Variants in BLOC1S6 observed in about 807,000 individuals in gnomAD.
BLOC1S6 encodes biogenesis of lysosome-related organelles complex 1 subunit 6.
A neutral mutation model predicts 24.7 loss-of-function variants in BLOC1S6; 24 were observed. The observed-to-expected ratio is 0.97, with a 90% CI of 0.70 to 1.37. The LOEUF is 1.37. Among genes scored for constraint, BLOC1S6 ranks in the 40% most tolerant of loss-of-function variants. BLOC1S6 has a pLI of 0.00. For synonymous variants in BLOC1S6, 76 were observed against 72.6 expected (o/e 1.05, Z -0.23); for missense variants, 175 against 196.2 (o/e 0.89, Z 0.64).
intron 1 of BLOC1S6, 94 bp from the exon 2 acceptor site, chr15:45,592,041 C>T: frequency 7.0e-7 from 1 of 1,432,752 alleles, no homozygotes; most frequent in Non-Finnish European, 9.5e-7. Flanking sequence ...TTACAGATTT[C>T]TTTGTTCCTT....
At chr15:45,593,514 C>T (rs768500344) in intron 2 of BLOC1S6, among the ~76,000 whole-genome samples, 19 of 151,682 alleles carry the variant, frequency 1.3e-4, no homozygotes, top group South Asian at 4.1e-4. Context: ...TTATCCCTAG[C>T]GCGCGATATA....
intron 2 of BLOC1S6, among the ~76,000 whole-genome samples, chr15:45,596,017 A>G (rs1308854885): frequency 6.6e-5 from 10 of 152,064 alleles, no homozygotes; most frequent in Non-Finnish European, 1.5e-4. Context: ...CATGTTGGTC[A>G]GGCTGGTCTC....
At chr15:45,589,862 A>G (rs1393923306) in intron 1 of BLOC1S6, among the ~76,000 whole-genome samples, 2 of 152,176 alleles carry the variant, frequency 1.3e-5, no homozygotes, top group African/African-American at 2.4e-5. Flanking sequence ...CAAACAAACA[A>G]AAAATGAGTA....
At chr15:45,602,108 C>G (rs1053886770) in intron 2 of BLOC1S6, among the ~76,000 whole-genome samples, 1 of 151,928 alleles carries the variant, frequency 6.6e-6, no homozygotes, top group African/African-American at 2.4e-5. Flanking sequence ...GTTGTCCACG[C>G]TGGTCTTGAA....
At chr15:45,603,646 C>T (rs1034777254) in intron 3 of BLOC1S6, among the ~76,000 whole-genome samples, 6 of 152,118 alleles carry the variant, frequency 3.9e-5, no homozygotes, top group African/African-American at 1.2e-4. Flanking sequence ...CCCAGGAGGT[C>T]GAGGCCACAA....
chr15:45,598,247 G>A (rs1009563595), intron 2 of BLOC1S6: 1 of 148,694 alleles, frequency 6.7e-6, no homozygotes, highest in Non-Finnish European at 1.5e-5. Context: ...GCAAAAACTG[G>A]AAGCATTCCC....
Position 45,603,193 on chromosome 15 carries a change from T to C in BLOC1S6, c.312+6T>C, listed in dbSNP as rs749795439. Reference sequence around the variant, plus strand: ...TGTTGGATATTAATGCTTTGGTAAGTATGATTTAGTTGATGTAATTTAATG... The same window carrying C: ...TGTTGGATATTAATGCTTTGGTAAGCATGATTTAGTTGATGTAATTTAATG... On this transcript the variant is annotated splice_donor_region_variant and intron_variant, in intron 3 of 4. Transcript: ENST00000220531. 6.5e-7 allele frequency: 1 copy of C among 1,542,870 alleles called. No individual in the cohort carries two copies. The highest frequency in any genetic ancestry group is 9.0e-7 in the Non-Finnish European group (1 of 1,117,192).
At chr15:45,602,277 G>A (rs1039678254) in intron 2 of BLOC1S6, 20 of 616,830 alleles carry the variant, frequency 3.2e-5, no homozygotes, top group Middle Eastern at 3.0e-4. Flanking sequence ...GAGCCTGTTC[G>A]TTGTTATTTC....
chr15:45,603,861 A>G (rs992726560), intron 3 of BLOC1S6, among the ~76,000 whole-genome samples: 1 of 152,168 alleles, frequency 6.6e-6, no homozygotes, highest in Non-Finnish European at 1.5e-5. Flanking sequence ...CATATTCATA[A>G]TGCTATAATA....
At chr15:45,605,040 C>T (rs1894400227) in intron 3 of BLOC1S6, among the ~76,000 whole-genome samples, 1 of 152,194 alleles carries the variant, frequency 6.6e-6, no homozygotes, top group Non-Finnish European at 1.5e-5. Flanking sequence ...TAAACTGTTT[C>T]ATGTGCTCTG....
chr15:45,605,312 TA>T, intron 3 of BLOC1S6, 115 bp from the exon 4 acceptor site: 1 of 758,666 alleles, frequency 1.3e-6, no homozygotes, highest in East Asian at 2.7e-5. Flanking sequence ...GATAAGGCTG[TA>T]AAAATTTTGA....
chr15:45,596,343 G>A (rs531019683), intron 2 of BLOC1S6, among the ~76,000 whole-genome samples: 15 of 151,874 alleles, frequency 9.9e-5, no homozygotes, highest in African/African-American at 2.2e-4. Context: ...GACCACAGGC[G>A]CACACCACCA....
chr15:45,593,279 G>A (rs1893949179), intron 2 of BLOC1S6, among the ~76,000 whole-genome samples: 1 of 151,636 alleles, frequency 6.6e-6, no homozygotes, highest in African/African-American at 2.4e-5. Flanking sequence ...CCAGCTACTT[G>A]GGAGGCTGAG....
intron 1 of BLOC1S6, among the ~76,000 whole-genome samples, chr15:45,591,564 C>T (rs1157414554): frequency 6.6e-6 from 1 of 152,126 alleles, no homozygotes; most frequent in Non-Finnish European, 1.5e-5. Context: ...TCCTGAATAG[C>T]TGGGACCACA....
chr15:45,600,833 G>A (rs1175191248), intron 2 of BLOC1S6, among the ~76,000 whole-genome samples: 2 of 152,104 alleles, frequency 1.3e-5, no homozygotes, highest in African/African-American at 2.4e-5. Context: ...GAGTTGGGAG[G>A]TGCTCCTTTT....
chr15:45,592,402 C>A, intron 2 of BLOC1S6, 126 bp downstream of exon 2: 2 of 1,175,148 alleles, frequency 1.7e-6, no homozygotes, highest in Non-Finnish European at 2.5e-6. Flanking sequence ...ATGTCTATAT[C>A]TTTATTGATA....
At chr15:45,602,966 A>G (rs1894321332) in intron 2 of BLOC1S6, 134 bp from the exon 3 acceptor site, 1 of 663,266 alleles carries the variant, frequency 1.5e-6, no homozygotes, top group African/African-American at 1.8e-5. Flanking sequence ...ATTCTATATT[A>G]AATAAACCTT....
intron 1 of BLOC1S6, 30 bp downstream of exon 1, chr15:45,587,555 CG>C: frequency 6.5e-7 from 1 of 1,546,564 alleles, no homozygotes; most frequent in Non-Finnish European, 8.7e-7. Flanking sequence ...AAGCGCGGCC[CG>C]GGCTGGGTGT....
In BLOC1S6 at chr15:45,587,482, G is replaced by A; in HGVS notation, c.39G>A (p.Leu13=). 3 of 1,585,850 alleles carry A rather than the reference G, an allele frequency of 1.9e-6. No homozygotes were observed. Among genetic ancestry groups the A allele is most frequent in the Non-Finnish European group, 2.6e-6 (3 of 1,165,732 alleles). The change falls in exon 1 of 5, where the codon CTG becomes CTA. Residue 13 remains leucine, a synonymous_variant. Coordinates refer to ENST00000220531, the MANE Select transcript of BLOC1S6 (RefSeq NM_012388.4). ...GGCCGTCGTCTCCGGACGGGGCCCT[G>A]ACACGGCCACCCTACTGCCTGGAGG... ...VPGPSSPDGA[L]TRPPYCLEAG...
Sources: allele counts gnomAD v4.1 joint callset (sites outside exome capture counted in the v4.1 genomes callset), GRCh38; gene constraint gnomAD v4.1.1; transcripts MANE v1.5; gene names NCBI Gene and HGNC (gene_info 2026-07-23, HGNC 2026-07-21).